The following CDC42BPB variants were observed in gnomAD, a reference collection of about 807,000 sequenced individuals.
CDC42BPB encodes CDC42 binding protein kinase beta.
In CDC42BPB, 37 loss-of-function variants were observed where a neutral mutation model predicts 214.9. The ratio of observed to expected loss-of-function variants is 0.17; its 90% confidence interval spans 0.13 to 0.23. CDC42BPB has a LOEUF of 0.23. Ranked by LOEUF, CDC42BPB falls within the 10% of genes least tolerant of loss-of-function variation. The pLI is 1.00. For missense variants in CDC42BPB, 1,694 were observed against 2,227.0 expected, an observed-to-expected ratio of 0.76 and a Z score of 4.82; for synonymous variants, 931 against 884.0, an observed-to-expected ratio of 1.05 and a Z score of -0.94.
chr14:103,047,033 C>G (rs554120523), intron 1 of CDC42BPB, among the ~76,000 whole-genome samples: 1 of 151,356 alleles, frequency 6.6e-6, no homozygotes, highest in Non-Finnish European at 1.5e-5. Context: ...GCCTATAATC[C>G]CAAGCACTCT....
At position 102,986,646 on chromosome 14, in the gene CDC42BPB, T is replaced by C; in HGVS notation, c.597-66A>G. 2.5e-6 allele frequency: 4 copies of C among 1,577,044 alleles called. No individual in the cohort carries two copies. In the Admixed American group the frequency reaches 5.4e-5, roughly 21 times the overall value. ...AACACATTAGGTAGATCAAAGCCCT[T>C]AACTAGTGGTGATCAGATGAATAAA... On this transcript the variant is annotated intron_variant, in intron 5 of 36. Coordinates refer to ENST00000361246, the MANE Select transcript of CDC42BPB (RefSeq NM_006035.4).
At chr14:102,985,457 G>A (rs529128360) in intron 6 of CDC42BPB, among the ~76,000 whole-genome samples, 4 of 152,198 alleles carry the variant, frequency 2.6e-5, no homozygotes, top group African/African-American at 9.6e-5. Context: ...GTGTGGAGGT[G>A]TGGAGGGTAA....
chr14:103,039,252 T>A (rs1297590082), intron 1 of CDC42BPB, among the ~76,000 whole-genome samples: 3 of 108,392 alleles, frequency 2.8e-5, no homozygotes, highest in East Asian at 2.8e-4. Flanking sequence ...GAACACTTCC[T>A]AAATCATTCT....
chr14:102,941,683 G>T, intron 30 of CDC42BPB: 1 of 377,432 alleles, frequency 2.6e-6, no homozygotes, highest in Non-Finnish European at 3.6e-6. Context: ...AGATTCTAGT[G>T]AAACAGATTC....
chr14:102,943,991 C>T lies in CDC42BPB; in HGVS notation c.4308G>A (p.Glu1436=). 2 of 1,613,238 alleles carry T rather than the reference C, an allele frequency of 1.2e-6. No individual in the cohort carries two copies. Among genetic ancestry groups the T allele is most frequent in the Non-Finnish European group, 1.7e-6 (2 of 1,180,006 alleles). Reference sequence around the variant, plus strand: ...CCATGTGGCTGAAGCAAAGCAGGTACTCCTCGCTTTCGAGCTCCACAGCAC... The same window carrying T: ...CCATGTGGCTGAAGCAAAGCAGGTATTCCTCGCTTTCGAGCTCCACAGCAC... ...ALCAVELESE[E]YLLCFSHMGL... The change falls in exon 30 of 37, where the codon GAG becomes GAA. Residue 1436 remains glutamate (E), a synonymous_variant. Transcript: ENST00000361246. The surrounding 1 kb of genome is among the most constrained non-coding windows in gnomAD (Gnocchi z 4.6).
intron 1 of CDC42BPB, among the ~76,000 whole-genome samples, chr14:103,022,711 C>T (rs575652802): frequency 2.6e-5 from 4 of 152,318 alleles, no homozygotes; most frequent in African/African-American, 9.6e-5. Flanking sequence ...CAAGTTCATT[C>T]TCACTGGCTT....
In CDC42BPB at chr14:102,954,189, G is replaced by GGGGTGAAA; in HGVS notation, c.3066+8_3066+9insTTTCACCC. The GGGGTGAAA allele has an allele frequency of 1.3e-6, 2 of 1,540,494 alleles. No individual in the cohort carries two copies. Among genetic ancestry groups the GGGGTGAAA allele is most frequent in the Non-Finnish European group, 1.8e-6 (2 of 1,138,024 alleles). On this transcript the variant is annotated intron_variant, in intron 23 of 36. Coordinates refer to ENST00000361246, the MANE Select transcript of CDC42BPB (RefSeq NM_006035.4). ...AAGAAGGCGCCCCGGGTGAAAGCAA[G>GGGGTGAAA]GCCCCTACCTTCGGTCCAGCCAGAG...
intron 2 of CDC42BPB, among the ~76,000 whole-genome samples, chr14:103,011,013 C>T (rs370637606): frequency 3.3e-5 from 5 of 152,188 alleles, no homozygotes; most frequent in African/African-American, 1.2e-4. Flanking sequence ...CTGGGTGACA[C>T]AGCGAGACTC....
At chr14:103,010,296 A>T (rs1216342569) in intron 2 of CDC42BPB, among the ~76,000 whole-genome samples, 3 of 152,168 alleles carry the variant, frequency 2.0e-5, no homozygotes. Context: ...CAAACAAAAT[A>T]AACAAACTCT....
At chr14:103,016,129 C>T (rs1886445108) in intron 1 of CDC42BPB, among the ~76,000 whole-genome samples, 1 of 152,250 alleles carries the variant, frequency 6.6e-6, no homozygotes, top group Non-Finnish European at 1.5e-5. Context: ...AGCTCAAAGG[C>T]AGCCCCACAG....
chr14:103,027,785 G>A (rs117678051), intron 1 of CDC42BPB, among the ~76,000 whole-genome samples: 13 of 152,294 alleles, frequency 8.5e-5, no homozygotes, highest in African/African-American at 1.9e-4. Flanking sequence ...ATTAGACAGC[G>A]GTGAGAGCTG....
At chr14:102,941,170 C>T (rs528498526) in intron 30 of CDC42BPB, 3 of 985,468 alleles carry the variant, frequency 3.0e-6, no homozygotes, top group South Asian at 9.4e-5. Flanking sequence ...AGCCCCTCAG[C>T]GTAGCTTGGC....
intron 12 of CDC42BPB, among the ~76,000 whole-genome samples, chr14:102,972,966 C>T (rs1395355880): frequency 2.0e-5 from 3 of 152,158 alleles, no homozygotes; most frequent in Non-Finnish European, 4.4e-5. Context: ...GACAGCCTGC[C>T]CTTCAATGCA....
chr14:102,964,517 T>C lies in CDC42BPB; in HGVS notation c.2711A>G (p.Asn904Ser), dbSNP rs200090522. 7.0e-4 allele frequency: 1,130 copies of C among 1,613,688 alleles called. 14 individuals are homozygous for C. The South Asian group carries it at 0.011, about 16-fold the overall frequency. Reference protein sequence around the residue: ...QEELRKVKDANLTLESKLKDS... With the variant: ...QEELRKVKDASLTLESKLKDS... ...CACCAAGTACCTTTCCAAGGTGAGG[T>C]TGGCGTCCTTGACCTTCCTGAGCTC... is the stretch of plus-strand genomic sequence containing the variant. The change falls in exon 19 of 37, where the codon AAC becomes AGC. Residue 904 changes from asparagine to serine, a missense_variant. This residue lies in a region of CDC42BPB where 156 missense variants were observed against 154.5 expected (regional missense o/e 1.01). Transcript: ENST00000361246.
At position 102,948,075 on chromosome 14, in the gene CDC42BPB, A is replaced by C. The variant is rs559373931; in HGVS notation, c.3450-273T>G. 3.7e-5 allele frequency: 23 copies of C among 618,708 alleles called. No homozygotes were observed. The African/African-American group carries it at 4.3e-4, about 12-fold the overall frequency. The allele number at this position is 618,708 out of a possible 1,614,324, so 38.3% of individuals were successfully genotyped here. On this transcript the variant is annotated intron_variant, in intron 26 of 36. Coordinates refer to ENST00000361246, the MANE Select transcript of CDC42BPB (RefSeq NM_006035.4). ...GCCTCCAGACTATGCCAGTTACAGAAGACTCGGTTTGCACTTGGCACAGCC... is the reference window on the plus strand; with the variant it reads ...GCCTCCAGACTATGCCAGTTACAGACGACTCGGTTTGCACTTGGCACAGCC...
intron 1 of CDC42BPB, among the ~76,000 whole-genome samples, chr14:103,046,798 C>A (rs954320593): frequency 6.6e-6 from 1 of 151,864 alleles, no homozygotes; most frequent in Non-Finnish European, 1.5e-5. Context: ...GGATTACAGG[C>A]ACCTGCCACC....
chr14:103,035,228 T>C (rs563506366), intron 1 of CDC42BPB, among the ~76,000 whole-genome samples: 6 of 152,092 alleles, frequency 3.9e-5, no homozygotes, highest in Non-Finnish European at 7.3e-5. Flanking sequence ...CGGCTAATTT[T>C]GTATTTTTAG....
intron 18 of CDC42BPB, 106 bp downstream of exon 18, chr14:102,966,176 C>T: frequency 1.2e-6 from 1 of 804,088 alleles, no homozygotes; most frequent in Non-Finnish European, 2.0e-6. Flanking sequence ...ACAGAAGTCT[C>T]TTGCATCACT....
intron 13 of CDC42BPB, among the ~76,000 whole-genome samples, chr14:102,971,110 A>G (rs1156981902): frequency 1.3e-5 from 2 of 152,200 alleles, no homozygotes; most frequent in Non-Finnish European, 1.5e-5. Flanking sequence ...TGTGGGGGCC[A>G]GGATTTCTTC....
Sources: allele counts gnomAD v4.1 joint callset (sites outside exome capture counted in the v4.1 genomes callset), GRCh38; gene constraint gnomAD v4.1.1; regional missense constraint gnomAD v4.1.1; non-coding constraint Gnocchi (gnomAD v3.1); transcripts MANE v1.5; gene names NCBI Gene and HGNC (gene_info 2026-07-23, HGNC 2026-07-21).